FGGY: variants seen among roughly 807,000 people sequenced by gnomAD.
FGGY encodes FGGY carbohydrate kinase domain containing.
A neutral mutation model predicts 71.3 loss-of-function variants in FGGY; 72 were observed. The ratio of observed to expected loss-of-function variants is 1.01; its 90% CI spans 0.84 to 1.23. The LOEUF is 1.23. Ranked by LOEUF, FGGY falls within the 50% of genes most tolerant of loss-of-function variation. The pLI, the probability that FGGY is intolerant of heterozygous loss-of-function variation, is 0.00. For missense variants in FGGY, 668 were observed against 682.3 expected (o/e 0.98, Z 0.23); for synonymous variants, 251 against 250.3 (o/e 1.00, Z -0.02).
rs374673573 is a variant in FGGY at position 59,396,989 on chromosome 1, G to A, written c.554+18152G>A. On this transcript the variant is annotated intron_variant, in intron 5 of 15. Coordinates refer to ENST00000303721, the MANE Select transcript of FGGY (RefSeq NM_018291.5). ...GATCGAAATTCTGGGAGGTTCAGTT[G>A]CAGAGAAAACTAGGCACCAGTTTGA... 4.0e-5 allele frequency among the ~76,000 whole-genome samples: 6 copies of A among 151,110 alleles called. No individual in the cohort carries two copies. The East Asian group carries it at 1.2e-3, about 29-fold the overall frequency.
intron 14 of FGGY, among the ~76,000 whole-genome samples, chr1:59,699,938 C>A (rs959928663): frequency 6.6e-6 from 1 of 152,140 alleles, no homozygotes; most frequent in African/African-American, 2.4e-5. Context: ...ATAAAGTTGT[C>A]ATTGAGACTT....
Position 59,346,308 on chromosome 1 carries a change from G to A in FGGY, c.375G>A (p.Arg125=), listed in dbSNP as rs1214240890. 1 of 1,612,498 alleles carries A rather than the reference G, an allele frequency of 6.2e-7. No homozygotes were observed. The highest frequency in any genetic ancestry group is 1.7e-5 in the Admixed American group (1 of 59,972). Residue 125 remains arginine, a synonymous_variant, in exon 4 of 16, where the codon AGG becomes AGA. Transcript: ENST00000303721. ...LDHRAVSQVN[R]INETKHSVLQ... is the part of the protein sequence containing the mutation. ...ATCGAGCAGTCAGTCAAGTTAACAG[G>A]ATCAATGAGACCAAGCACAGTGTCC...
At chr1:59,509,487 T>C (rs1263327936) in intron 6 of FGGY, among the ~76,000 whole-genome samples, 1 of 152,192 alleles carries the variant, frequency 6.6e-6, no homozygotes, top group Admixed American at 6.5e-5. Flanking sequence ...CACTTAAGTA[T>C]GGATTACAAG....
intron 5 of FGGY, among the ~76,000 whole-genome samples, chr1:59,406,022 A>G (rs2062682623): frequency 6.6e-6 from 1 of 151,986 alleles, no homozygotes; most frequent in Non-Finnish European, 1.5e-5. Flanking sequence ...AAAAGAAGAC[A>G]AAAATGTAGT....
intron 8 of FGGY, 84 bp from the exon 9 acceptor site, chr1:59,607,719 A>C: frequency 9.6e-7 from 1 of 1,038,250 alleles, no homozygotes; most frequent in Non-Finnish European, 1.4e-6. Flanking sequence ...GCTGAATTCC[A>C]TGGTCATAGA....
chr1:59,620,689 T>G (rs1437626118), intron 9 of FGGY, among the ~76,000 whole-genome samples: 1 of 152,090 alleles, frequency 6.6e-6, no homozygotes, highest in African/African-American at 2.4e-5. Context: ...GCATTATTTT[T>G]TAATGGTTGC....
chr1:59,460,167 G>A (rs2092057028), intron 6 of FGGY, among the ~76,000 whole-genome samples: 2 of 152,296 alleles, frequency 1.3e-5, no homozygotes, highest in South Asian at 4.1e-4. Context: ...ATGACAGACT[G>A]TATCTGGAAA....
intron 5 of FGGY, among the ~76,000 whole-genome samples, chr1:59,408,503 A>C (rs1269762872): frequency 1.3e-5 from 2 of 152,216 alleles, no homozygotes; most frequent in African/African-American, 4.8e-5. Flanking sequence ...ATTCTTATTC[A>C]TACCTGAAAA....
chr1:59,710,267 C>T (rs545138566), intron 14 of FGGY, among the ~76,000 whole-genome samples: 33 of 152,220 alleles, frequency 2.2e-4, no homozygotes, highest in African/African-American at 6.5e-4. Context: ...AAACTGGACC[C>T]CTTCCTTACA....
intron 5 of FGGY, among the ~76,000 whole-genome samples, chr1:59,432,015 G>T (rs567960272): frequency 3.3e-5 from 5 of 152,172 alleles, no homozygotes; most frequent in Admixed American, 6.5e-5. Context: ...TAGCAGCTCA[G>T]AATTTTCAGC....
At chr1:59,740,411 T>A (rs2098137997) in intron 14 of FGGY, among the ~76,000 whole-genome samples, 1 of 152,174 alleles carries the variant, frequency 6.6e-6, no homozygotes, top group Admixed American at 6.5e-5. Flanking sequence ...CCATTAAATC[T>A]CCCAGCTTTC....
intron 9 of FGGY, among the ~76,000 whole-genome samples, chr1:59,617,683 C>A (rs2096769969): frequency 6.6e-6 from 1 of 152,068 alleles, no homozygotes; most frequent in Non-Finnish European, 1.5e-5. Context: ...TCCAGCTGGA[C>A]CTTGGCCATC....
chr1:59,677,343 A>C (rs2097445952), intron 14 of FGGY, among the ~76,000 whole-genome samples: 1 of 152,206 alleles, frequency 6.6e-6, no homozygotes, highest in South Asian at 2.1e-4. Context: ...TCCTGCCAGC[A>C]CCTCAACTAT....
At chr1:59,591,200 A>G (rs1444843508) in intron 8 of FGGY, among the ~76,000 whole-genome samples, 1 of 152,182 alleles carries the variant, frequency 6.6e-6, no homozygotes, top group African/African-American at 2.4e-5. Context: ...TTGCTTCAAA[A>G]AGAATAAAAT....
chr1:59,514,764 C>T (rs559816641), intron 7 of FGGY, among the ~76,000 whole-genome samples: 15 of 152,262 alleles, frequency 9.9e-5, no homozygotes, highest in African/African-American at 3.6e-4. Context: ...TTGCTGCCAC[C>T]ATGTAAGAAG....
At chr1:59,558,370 AATAAAG>A (rs1024629701) in intron 8 of FGGY, among the ~76,000 whole-genome samples, 1 of 152,162 alleles carries the variant, frequency 6.6e-6, no homozygotes, top group African/African-American at 2.4e-5. Context: ...CCGGCTGAGA[AATAAAG>A]AGAAAGAGTA....
At chr1:59,440,948 A>C (rs978273531) in intron 5 of FGGY, among the ~76,000 whole-genome samples, 10 of 151,998 alleles carry the variant, frequency 6.6e-5, no homozygotes, top group African/African-American at 2.2e-4. Flanking sequence ...GGAAAACTTA[A>C]GTACTCTATC....
At chr1:59,438,045 C>T (rs1046210807) in intron 5 of FGGY, among the ~76,000 whole-genome samples, 4 of 152,136 alleles carry the variant, frequency 2.6e-5, no homozygotes, top group Non-Finnish European at 5.9e-5. Context: ...TGAAGAAATA[C>T]GACTGCTACT....
intron 8 of FGGY, among the ~76,000 whole-genome samples, chr1:59,578,671 A>T (rs1474737218): frequency 6.6e-6 from 1 of 152,106 alleles, no homozygotes; most frequent in Non-Finnish European, 1.5e-5. Context: ...CTGAAATTTC[A>T]TCCCAGGAAT....
Sources: allele counts gnomAD v4.1 joint callset (sites outside exome capture counted in the v4.1 genomes callset), GRCh38; gene constraint gnomAD v4.1.1; transcripts MANE v1.5; gene names NCBI Gene and HGNC (gene_info 2026-07-23, HGNC 2026-07-21).